The following HDAC9 variants were observed in gnomAD, a reference collection of about 807,000 sequenced individuals.
HDAC9 encodes the protein MEF-2 interacting transcription repressor (MITR) protein.
Under a neutral mutation model 139.4 loss-of-function variants are expected in HDAC9, and 41 were observed. The observed-to-expected ratio is 0.29, with a 90% confidence interval of 0.23 to 0.38. HDAC9 has a LOEUF of 0.38. HDAC9 is among the 10% of genes least tolerant of loss of function. HDAC9 has a pLI of 1.00. For missense variants in HDAC9, 1,147 were observed against 1,297.0 expected (o/e 0.88, Z 1.78); for synonymous variants, 517 against 476.2 (o/e 1.09, Z -1.12).
intron 21 of HDAC9, among the ~76,000 whole-genome samples, chr7:18,842,932 AGTT>A (rs1796679005): frequency 6.6e-6 from 1 of 152,114 alleles, no homozygotes. Context: ...AAGTACTTGA[AGTT>A]TTGAAAGGGA....
intron 2 of HDAC9, among the ~76,000 whole-genome samples, chr7:18,526,537 A>AAC (rs1198065522): frequency 1.3e-5 from 2 of 152,192 alleles, no homozygotes; most frequent in African/African-American, 4.8e-5. Context: ...AGTTCTTGTC[A>AAC]ATGTGTCACC....
intron 2 of HDAC9, among the ~76,000 whole-genome samples, chr7:18,183,144 G>A (rs941045448): frequency 6.6e-6 from 1 of 151,954 alleles, no homozygotes; most frequent in Non-Finnish European, 1.5e-5. Flanking sequence ...CGAGTAGCTG[G>A]GACTACAGGT....
At chr7:18,328,308 T>C (rs1322625370) in intron 1 of HDAC9, among the ~76,000 whole-genome samples, 4 of 151,818 alleles carry the variant, frequency 2.6e-5, no homozygotes, top group Non-Finnish European at 5.9e-5. Context: ...TCACAGTTTC[T>C]AGGGTGTAGA....
chr7:18,982,705 G>A (rs1785038858), intron 25 of HDAC9, among the ~76,000 whole-genome samples: 1 of 152,032 alleles, frequency 6.6e-6, no homozygotes, highest in South Asian at 2.1e-4. Flanking sequence ...GCCTGCTCTT[G>A]AATTTCATTT....
intron 1 of HDAC9, among the ~76,000 whole-genome samples, chr7:18,435,108 C>CATGG (rs1020710091): frequency 1.4e-5 from 2 of 138,282 alleles, no homozygotes; most frequent in African/African-American, 5.4e-5. Flanking sequence ...TTTGCTGCGA[C>CATGG]ATGGATGGAG....
chr7:18,103,749 C>T (rs1322298226), intron 1 of HDAC9, among the ~76,000 whole-genome samples: 6 of 152,186 alleles, frequency 3.9e-5, no homozygotes, highest in Non-Finnish European at 8.8e-5. Context: ...AAGAGTTAAG[C>T]TCCTATGGCA....
intron 1 of HDAC9, among the ~76,000 whole-genome samples, chr7:18,353,012 A>G (rs1393823036): frequency 6.6e-6 from 1 of 152,172 alleles, no homozygotes; most frequent in African/African-American, 2.4e-5. Context: ...ATACCCTGCT[A>G]GTTATTGGAT....
intron 17 of HDAC9, among the ~76,000 whole-genome samples, chr7:18,824,181 A>G (rs924557755): frequency 5.9e-5 from 9 of 152,164 alleles, no homozygotes; most frequent in South Asian, 2.1e-4. Flanking sequence ...GGCAGAGGGA[A>G]GACGGCTGTC....
intron 1 of HDAC9, among the ~76,000 whole-genome samples, chr7:18,452,946 A>G (rs370739197): frequency 3.9e-5 from 6 of 152,244 alleles, no homozygotes; most frequent in East Asian, 1.9e-4. Context: ...TTGGACACAC[A>G]TAATATAAAC....
At chr7:18,284,492 A>G (rs909423075) in intron 2 of HDAC9, among the ~76,000 whole-genome samples, 8 of 152,154 alleles carry the variant, frequency 5.3e-5, no homozygotes, top group Admixed American at 1.3e-4. Context: ...ACTTCAGACA[A>G]GAAAAGTGTG....
chr7:18,982,350 T>A (rs942141342), intron 25 of HDAC9, among the ~76,000 whole-genome samples: 1 of 152,090 alleles, frequency 6.6e-6, no homozygotes, highest in African/African-American at 2.4e-5. Flanking sequence ...TACTTTTCCA[T>A]TTCCATTAAC....
At chr7:18,649,590 A>C (rs562669433) in intron 11 of HDAC9, among the ~76,000 whole-genome samples, 6 of 152,318 alleles carry the variant, frequency 3.9e-5, no homozygotes, top group African/African-American at 1.4e-4. Context: ...AACCTGGCTT[A>C]GTAATAACTT....
At chr7:18,982,981 C>T (rs546464493) in intron 25 of HDAC9, among the ~76,000 whole-genome samples, 1 of 152,260 alleles carries the variant, frequency 6.6e-6, no homozygotes, top group South Asian at 2.1e-4. Context: ...GTAAAACTTA[C>T]CGTCTTAACC....
At chr7:18,792,111 G>T (rs1341130725) in intron 16 of HDAC9, among the ~76,000 whole-genome samples, 2 of 151,744 alleles carry the variant, frequency 1.3e-5, no homozygotes, top group African/African-American at 4.8e-5. Flanking sequence ...TGTATTCATT[G>T]TTCTTGGTAG....
rs574723459 is a variant in HDAC9 at position 18,947,202 on chromosome 7, A to T, written c.2938-6944A>T. ...ACTTAAAATTAATGTTTAAAAGCAT[A>T]TATCTCATTAGAGAATCAAAGCAGC... On this transcript the variant is annotated intron_variant, in intron 23 of 25. Transcript: ENST00000686413. Among the ~76,000 whole-genome samples the T allele has an allele frequency of 3.9e-5, 6 of 152,184 alleles. No homozygotes were observed. The South Asian group carries it at 1.2e-3, about 32-fold the overall frequency.
intron 12 of HDAC9, among the ~76,000 whole-genome samples, chr7:18,709,503 A>T (rs977795593): frequency 8.9e-5 from 13 of 145,790 alleles, no homozygotes; most frequent in African/African-American, 3.2e-4. Context: ...GGGTTAAATT[A>T]TATCTATTTA....
chr7:18,793,518 G>T lies in HDAC9; in HGVS notation c.2322+66G>T. On this transcript the variant is annotated intron_variant, in intron 17 of 25. Transcript: ENST00000686413. ...GAAACTGAAACAGAGATGTTGTTATGTGGGAATTGCGGGGAGTGTGGCGTG... is the reference window on the plus strand; with the variant it reads ...GAAACTGAAACAGAGATGTTGTTATTTGGGAATTGCGGGGAGTGTGGCGTG... 4 of 1,056,450 alleles carry T rather than the reference G, an allele frequency of 3.8e-6. No individual in the cohort carries two copies. In the South Asian group the frequency reaches 4.0e-5, roughly 11 times the overall value. The allele number at this position is 1,056,450 out of a possible 1,614,324, so 65.4% of individuals were successfully genotyped here.
intron 1 of HDAC9, among the ~76,000 whole-genome samples, chr7:18,453,500 A>G (rs1461375448): frequency 6.6e-6 from 1 of 152,188 alleles, no homozygotes; most frequent in African/African-American, 2.4e-5. Context: ...TATTATGTTA[A>G]GAAAGAGGCT....
At chr7:18,826,363 T>C (rs909706647) in intron 17 of HDAC9, among the ~76,000 whole-genome samples, 1 of 148,576 alleles carries the variant, frequency 6.7e-6, no homozygotes, top group Non-Finnish European at 1.5e-5. Context: ...AAGCAGCGTT[T>C]TGAGGTTTCA....
Sources: allele counts gnomAD v4.1 joint callset (sites outside exome capture counted in the v4.1 genomes callset), GRCh38; gene constraint gnomAD v4.1.1; transcripts MANE v1.5; gene names NCBI Gene and HGNC (gene_info 2026-07-23, HGNC 2026-07-21).